PCDHA10: variants seen among roughly 807,000 people sequenced by gnomAD.
PCDHA10 encodes the protein protocadherin alpha-10.
In PCDHA10, 45 loss-of-function variants were observed where a neutral mutation model predicts 61.2. The ratio of observed to expected loss-of-function variants is 0.74; its 90% CI spans 0.58 to 0.94. The LOEUF is 0.94. Among genes scored for constraint, PCDHA10 ranks in the 40% least tolerant of loss-of-function variants. The probability of loss-of-function intolerance (pLI) is 0.00; values close to 1 mark genes in which losing one functional copy is unlikely to be tolerated. For missense variants in PCDHA10, 1,278 were observed against 1,236.2 expected, an observed-to-expected ratio of 1.03 and a Z score of -0.51; for synonymous variants, 602 against 548.8, an observed-to-expected ratio of 1.10 and a Z score of -1.35.
In PCDHA10 at chr5:140,857,452, G is replaced by T. The variant is rs782723934; in HGVS notation, c.1404G>T (p.Pro468=). 4.4e-6 allele frequency: 7 copies of T among 1,598,562 alleles called. No individual in the cohort carries two copies. The East Asian group carries it at 6.7e-5, about 15-fold the overall frequency. ...CGGTGTTCGTGAAGGAGAACAACCC[G>T]CCAGGCTGCCACATCTTCACGGTGT... ...EYTVFVKENN[P]PGCHIFTVSA... is the part of the protein sequence containing the mutation. Residue 468 remains proline, a synonymous_variant, in exon 1 of 4, where the codon CCG becomes CCT. Transcript: ENST00000307360.
intron 1 of PCDHA10, among the ~76,000 whole-genome samples, chr5:140,962,168 C>A (rs1207333516): frequency 1.3e-5 from 2 of 152,152 alleles, no homozygotes; most frequent in African/African-American, 4.8e-5. Flanking sequence ...AGCCACCACA[C>A]CCGGCCACTT....
intron 1 of PCDHA10, chr5:140,866,209 TGGA>T (rs371374348): frequency 2.8e-4 from 43 of 152,294 alleles, no homozygotes; most frequent in African/African-American, 7.9e-4. Context: ...AATATCCTTG[TGGA>T]ACACCTAAAC....
At chr5:140,927,090 C>T (rs368092094) in intron 1 of PCDHA10, 34 of 1,612,532 alleles carry the variant, frequency 2.1e-5, no homozygotes, top group Non-Finnish European at 1.4e-5. Flanking sequence ...AGCTCTACTT[C>T]GGGGTGGATC....
At chr5:140,875,264 C>CTACA in intron 1 of PCDHA10, 1 of 1,189,324 alleles carries the variant, frequency 8.4e-7, no homozygotes, top group Non-Finnish European at 1.1e-6. Context: ...TGATGTCGCT[C>CTACA]TACACTCAGA....
intron 1 of PCDHA10, chr5:140,877,662 C>T: frequency 6.2e-7 from 1 of 1,613,558 alleles, no homozygotes; most frequent in Non-Finnish European, 8.5e-7. Context: ...CCACCGTGAG[C>T]CGGTGCGCGC....
intron 1 of PCDHA10, among the ~76,000 whole-genome samples, chr5:140,873,452 C>A (rs147398020): frequency 6.4e-4 from 97 of 152,122 alleles, no homozygotes; most frequent in Non-Finnish European, 1.1e-3. Context: ...AACAAATTTG[C>A]ATTTTAGATA....
At chr5:140,918,027 G>C (rs782291548) in intron 1 of PCDHA10, among the ~76,000 whole-genome samples, 2 of 152,108 alleles carry the variant, frequency 1.3e-5, no homozygotes, top group East Asian at 3.8e-4. Context: ...ACCCATGAGC[G>C]TGGAAGGTCT....
intron 1 of PCDHA10, among the ~76,000 whole-genome samples, chr5:140,951,121 C>A (rs1223231581): frequency 6.9e-6 from 1 of 145,374 alleles, no homozygotes; most frequent in African/African-American, 2.6e-5. Context: ...TCATTCCTTA[C>A]CAATAAGTTT....
rs782676713 is a variant in PCDHA10 at position 140,968,215 on chromosome 5, G to A, written c.2389-10734G>A. 3 of 1,613,862 alleles carry A rather than the reference G, an allele frequency of 1.9e-6. 1 individual carries two copies. The highest frequency in any genetic ancestry group is 2.5e-6 in the Non-Finnish European group (3 of 1,180,046). On this transcript the variant is annotated intron_variant, in intron 1 of 3. Transcript: ENST00000307360. ...CCATCTACATACAGGAGAACAATTT[G>A]CCAGGTGTGTTGCTCTGTACTGTGC... is the stretch of plus-strand genomic sequence containing the variant.
chr5:140,964,251 T>A (rs2095820730), intron 1 of PCDHA10, among the ~76,000 whole-genome samples: 2 of 152,330 alleles, frequency 1.3e-5, no homozygotes, highest in Non-Finnish European at 1.5e-5. Flanking sequence ...TGGCTTTATA[T>A]TTGACTCCTT....
At chr5:140,932,323 C>T (rs1259103502) in intron 1 of PCDHA10, among the ~76,000 whole-genome samples, 1 of 151,814 alleles carries the variant, frequency 6.6e-6, no homozygotes, top group Non-Finnish European at 1.5e-5. Flanking sequence ...ATTAATGTAG[C>T]AAAAATGCAT....
chr5:140,866,561 T>C (rs2049423335), intron 1 of PCDHA10: 1 of 152,136 alleles, frequency 6.6e-6, no homozygotes, highest in Non-Finnish European at 1.5e-5. Context: ...TCCTATAATT[T>C]TGTTAATACA....
chr5:140,967,460 G>A, intron 1 of PCDHA10: 1 of 1,613,538 alleles, frequency 6.2e-7, no homozygotes, highest in Non-Finnish European at 8.5e-7. Context: ...AGCCGTGGAT[G>A]GGGGCATCCC....
chr5:141,009,594 C>G, intron 3 of PCDHA10, 33 bp from the exon 4 acceptor site: 1 of 1,602,468 alleles, frequency 6.2e-7, no homozygotes, highest in Non-Finnish European at 8.5e-7. Context: ...ATGTGTTGAC[C>G]CTGTTAATGA....
chr5:140,915,626 GTCTCTC>G (rs57920489), intron 1 of PCDHA10, among the ~76,000 whole-genome samples: 2,942 of 146,518 alleles, frequency 0.02, 88 homozygotes, highest in African/African-American at 0.07. Context: ...GTCTCTTTCT[GTCTCTC>G]TCTCTCTCTC....
intron 2 of PCDHA10, among the ~76,000 whole-genome samples, chr5:140,980,402 T>G (rs1019891422): frequency 2.0e-5 from 3 of 152,020 alleles, no homozygotes; most frequent in African/African-American, 7.2e-5. Context: ...GAGGCCGAGG[T>G]GGGCAGATCA....
chr5:140,901,575 C>T (rs1554189900), intron 1 of PCDHA10, among the ~76,000 whole-genome samples: 1 of 152,030 alleles, frequency 6.6e-6, no homozygotes, highest in African/African-American at 2.4e-5. Context: ...GTTTTTATGC[C>T]AGTGCCATGA....
intron 3 of PCDHA10, among the ~76,000 whole-genome samples, chr5:140,995,529 C>T (rs1191657600): frequency 6.6e-6 from 1 of 152,078 alleles, no homozygotes. Context: ...GAAATCAAAC[C>T]TCAAATAAGG....
At chr5:140,904,974 T>C (rs537444148) in intron 1 of PCDHA10, among the ~76,000 whole-genome samples, 97 of 152,356 alleles carry the variant, frequency 6.4e-4, no homozygotes, top group African/African-American at 2.2e-3. Context: ...GTGACTATTT[T>C]CTCCCACTCT....
Sources: allele counts gnomAD v4.1 joint callset (sites outside exome capture counted in the v4.1 genomes callset), GRCh38; gene constraint gnomAD v4.1.1; transcripts MANE v1.5; gene names NCBI Gene and HGNC (gene_info 2026-07-23, HGNC 2026-07-21).